EXOC6B: variants seen among roughly 807,000 people sequenced by gnomAD.
EXOC6B encodes the protein SEC15 homolog B.
In EXOC6B, 54 loss-of-function variants were observed where a neutral mutation model predicts 113.5. The ratio of observed to expected loss-of-function variants is 0.48; its 90% confidence interval spans 0.38 to 0.60. EXOC6B has a LOEUF of 0.60. Ranked by LOEUF, EXOC6B falls within the 20% of genes least tolerant of loss-of-function variation. EXOC6B has a pLI of 0.00. For synonymous variants in EXOC6B, 357 were observed against 339.0 expected, an observed-to-expected ratio of 1.05 and a Z score of -0.58; for missense variants, 797 against 977.5, an observed-to-expected ratio of 0.82 and a Z score of 2.46.
At chr2:72,405,531 G>C (rs191480771) in intron 18 of EXOC6B, among the ~76,000 whole-genome samples, 1 of 152,212 alleles carries the variant, frequency 6.6e-6, no homozygotes, top group African/African-American at 2.4e-5. Flanking sequence ...AGCCAGAAGA[G>C]AGTGGGGGCC....
chr2:72,680,105 A>G (rs1166583392), intron 6 of EXOC6B, among the ~76,000 whole-genome samples: 2 of 152,218 alleles, frequency 1.3e-5, no homozygotes, highest in Non-Finnish European at 2.9e-5. Context: ...AAAAGGAGAA[A>G]GCAAATATGG....
chr2:72,321,903 C>T (rs1211725540), intron 20 of EXOC6B, among the ~76,000 whole-genome samples: 2 of 152,016 alleles, frequency 1.3e-5, no homozygotes, highest in African/African-American at 4.8e-5. Context: ...AATTAACCAA[C>T]AAATGAACAA....
Position 72,282,865 on chromosome 2 carries a change from T to A in EXOC6B, c.2196+52082A>T, listed in dbSNP as rs1002470260. On this transcript the variant is annotated intron_variant, in intron 20 of 21. Coordinates refer to ENST00000272427, the MANE Select transcript of EXOC6B (RefSeq NM_015189.3). ...TTGATCTGCCCAGAAGATGCAACAA[T>A]CCTAAATTTATATGCACCTAGTAAC... 5.9e-5 allele frequency among the ~76,000 whole-genome samples: 9 copies of A among 152,120 alleles called. No homozygotes were observed. In the East Asian group the frequency reaches 1.7e-3, roughly 29 times the overall value.
chr2:72,257,312 AAAC>A (rs548583483), intron 20 of EXOC6B, among the ~76,000 whole-genome samples: 5 of 152,296 alleles, frequency 3.3e-5, no homozygotes, highest in African/African-American at 4.8e-5. Context: ...AAATAAGTTA[AAAC>A]AACAACAACA....
intron 6 of EXOC6B, among the ~76,000 whole-genome samples, chr2:72,604,963 T>A (rs1670658441): frequency 6.6e-6 from 1 of 152,112 alleles, no homozygotes; most frequent in Non-Finnish European, 1.5e-5. Context: ...CCATAAAATC[T>A]GAAAGCAAAA....
At chr2:72,406,548 C>T (rs902002692) in intron 18 of EXOC6B, among the ~76,000 whole-genome samples, 1 of 152,174 alleles carries the variant, frequency 6.6e-6, no homozygotes, top group Non-Finnish European at 1.5e-5. Flanking sequence ...GATTAAGAAA[C>T]TCACTTAAAA....
chr2:72,267,233 T>C (rs1440356132), intron 20 of EXOC6B, among the ~76,000 whole-genome samples: 1 of 152,208 alleles, frequency 6.6e-6, no homozygotes, highest in East Asian at 1.9e-4. Flanking sequence ...CTTTTCCTAA[T>C]TGAATACCCT....
intron 1 of EXOC6B, among the ~76,000 whole-genome samples, chr2:72,823,481 A>AAAAAAAAAAAAAAAG (rs1686712006): frequency 1.4e-5 from 2 of 142,210 alleles, no homozygotes; most frequent in Non-Finnish European, 3.0e-5. Flanking sequence ...AAAAAAAACA[A>AAAAAAAAAAAAAAAG]AAAACAAAAA....
intron 20 of EXOC6B, among the ~76,000 whole-genome samples, chr2:72,210,102 A>T (rs913600317): frequency 1.3e-5 from 2 of 151,956 alleles, no homozygotes; most frequent in African/African-American, 4.8e-5. Context: ...TGGGTCCTAA[A>T]CCTTTGCTTG....
intron 20 of EXOC6B, among the ~76,000 whole-genome samples, chr2:72,278,121 A>T (rs1684913157): frequency 6.6e-6 from 1 of 152,238 alleles, no homozygotes; most frequent in African/African-American, 2.4e-5. Flanking sequence ...TGCTTCAGAT[A>T]GGAAAAATTT....
chr2:72,455,000 A>C lies in EXOC6B; in HGVS notation c.1980+10160T>G, dbSNP rs1002531358. 4.7e-4 allele frequency among the ~76,000 whole-genome samples: 71 copies of C among 152,212 alleles called. 1 individual carries two copies. Among genetic ancestry groups the C allele is most frequent in the African/African-American group, 1.7e-3 (69 of 41,466 alleles). ...TGCATGGAAACAGGAAACATAAATC[A>C]ATCTCTTGATAGGCAGAAAAATCAT... On this transcript the variant is annotated intron_variant, in intron 18 of 21. Coordinates refer to ENST00000272427, the MANE Select transcript of EXOC6B (RefSeq NM_015189.3).
chr2:72,287,047 G>T (rs573249571), intron 20 of EXOC6B, among the ~76,000 whole-genome samples: 8 of 151,992 alleles, frequency 5.3e-5, no homozygotes, highest in Non-Finnish European at 1.2e-4. Flanking sequence ...AAGAATTATG[G>T]ATCTAGGTAT....
rs1194946675 is a variant in EXOC6B at position 72,741,400 on chromosome 2, G to A, written c.183C>T (p.Asp61=). The change falls in exon 2 of 22, where the codon GAC becomes GAT. Residue 61 remains aspartate, a synonymous_variant. Coordinates refer to ENST00000272427, the MANE Select transcript of EXOC6B (RefSeq NM_015189.3). ...AGTTGCACATTTTCTCAATTTCTCGGTCGTGATTACGGATACGAGTTTCAA... is the reference window on the plus strand; with the variant it reads ...AGTTGCACATTTTCTCAATTTCTCGATCGTGATTACGGATACGAGTTTCAA... ...EKLETRIRNH[D]REIEKMCNFH... 6.2e-7 allele frequency: 1 copy of A among 1,613,534 alleles called. No individual in the cohort carries two copies. The highest frequency in any genetic ancestry group is 1.3e-5 in the African/African-American group (1 of 74,870).
At chr2:72,721,244 G>A (rs1045891781) in intron 5 of EXOC6B, among the ~76,000 whole-genome samples, 4 of 151,298 alleles carry the variant, frequency 2.6e-5, no homozygotes, top group African/African-American at 9.7e-5. Context: ...CAGGAGAATT[G>A]CTTGACCCTA....
chr2:72,613,745 C>CAA (rs760649122), intron 6 of EXOC6B, among the ~76,000 whole-genome samples: 3 of 130,952 alleles, frequency 2.3e-5, no homozygotes, highest in Admixed American at 2.3e-4. Context: ...TGCATGGAAG[C>CAA]AAAAAAAAAA....
intron 19 of EXOC6B, among the ~76,000 whole-genome samples, chr2:72,336,276 G>A (rs917469074): frequency 6.6e-6 from 1 of 152,154 alleles, no homozygotes; most frequent in Non-Finnish European, 1.5e-5. Flanking sequence ...TTGCATATAT[G>A]TCTAGAAAAT....
chr2:72,576,162 A>T (rs1237594728), intron 6 of EXOC6B, among the ~76,000 whole-genome samples: 2 of 152,186 alleles, frequency 1.3e-5, no homozygotes, highest in South Asian at 2.1e-4. Flanking sequence ...TGTTAAAAAC[A>T]GTTATGTGGA....
intron 20 of EXOC6B, among the ~76,000 whole-genome samples, chr2:72,285,104 G>A (rs1685349185): frequency 1.3e-5 from 2 of 152,010 alleles, no homozygotes; most frequent in Admixed American, 6.6e-5. Flanking sequence ...ATTTTTCTAT[G>A]GATGTTGATA....
At chr2:72,497,131 A>G (rs969948073) in intron 13 of EXOC6B, among the ~76,000 whole-genome samples, 5 of 151,576 alleles carry the variant, frequency 3.3e-5, no homozygotes, top group Non-Finnish European at 7.4e-5. Context: ...TCACCACCAC[A>G]TCGGGCTAAT....
Sources: gnomAD v4.1 joint callset for allele counts (sites outside exome capture counted in the v4.1 genomes callset) on GRCh38, gnomAD v4.1.1 for gene constraint, MANE v1.5 for transcripts, NCBI Gene and HGNC (gene_info 2026-07-23, HGNC 2026-07-21) for gene names.